The following RPL11 variants were observed in gnomAD, a reference collection of about 807,000 sequenced individuals.
RPL11 encodes ribosomal protein L11.
Under a neutral mutation model 24.1 loss-of-function variants are expected in RPL11, and 3 were observed. The observed-to-expected ratio is 0.12, with a 90% CI of 0.06 to 0.32. The LOEUF is 0.32. RPL11 is among the 10% of genes least tolerant of loss of function. RPL11 has a pLI of 1.00. For missense variants in RPL11, 146 were observed against 225.7 expected (o/e 0.65, Z 2.26); for synonymous variants, 96 against 75.7 (o/e 1.27, Z -1.39).
chr1:23,696,254 C>G, intron 5 of RPL11, 90 bp from the exon 6 acceptor site: 1 of 1,223,030 alleles, frequency 8.2e-7, no homozygotes, highest in East Asian at 2.3e-5. Flanking sequence ...GTTCATGTAT[C>G]AATCAGATGT....
intron 3 of RPL11, 31 bp from the exon 4 acceptor site, chr1:23,694,629 A>G (rs1644522160): frequency 6.2e-7 from 1 of 1,613,274 alleles, no homozygotes; most frequent in Admixed American, 1.7e-5. Context: ...GAAGATGACA[A>G]GGAATGTTAT....
chr1:23,692,861 C>T, intron 2 of RPL11, 102 bp downstream of exon 2: 1 of 1,383,574 alleles, frequency 7.2e-7, no homozygotes, highest in Non-Finnish European at 1.0e-6. Context: ...CAGTCGGCAT[C>T]ACTTAAAGCA....
At position 23,691,832 on chromosome 1, in the gene RPL11, G is replaced by A. The variant is rs776630838; in HGVS notation, c.6+3G>A. 1.2e-6 allele frequency: 2 copies of A among 1,614,262 alleles called. No individual in the cohort carries two copies. Among genetic ancestry groups the A allele is most frequent in the Admixed American group, 1.7e-5 (1 of 60,032 alleles). On this transcript the variant is annotated splice_donor_region_variant and intron_variant, in intron 1 of 5. Transcript: ENST00000643754. ...TCTTCCTGCTCTCCATCATGGCGGT[G>A]AGTAGCTGGGACCTGGATTTGCTTT... is the stretch of plus-strand genomic sequence containing the variant.
chr1:23,696,013 A>C, intron 5 of RPL11, 105 bp downstream of exon 5: 1 of 1,155,274 alleles, frequency 8.7e-7, no homozygotes, highest in African/African-American at 1.5e-5. Context: ...TATCTTCTTT[A>C]AAGTTAGAAT....
chr1:23,693,872 C>A lies in RPL11; in HGVS notation c.223C>A (p.Arg75=), dbSNP rs121434389. 1.9e-6 allele frequency: 3 copies of A among 1,613,906 alleles called. No individual in the cohort carries two copies. The African/African-American group carries it at 4.0e-5, about 22-fold the overall frequency. ...AAAGATTGCTGTCCACTGCACAGTT[C>A]GAGGGGCCAAGGCAGAAGAAATCTT... ...NEKIAVHCTV[R]GAKAEEILEK... Residue 75 remains arginine, a synonymous_variant, in exon 3 of 6, where the codon CGA becomes AGA. Transcript: ENST00000643754.
At chr1:23,691,797 C>G, upstream of RPL11, 2 of 1,614,242 alleles carry the variant, frequency 1.2e-6, no homozygotes, top group Non-Finnish European at 1.7e-6. Flanking sequence ...CGGCCGGAAG[C>G]TCCGCTTTCT....
intron 3 of RPL11, 105 bp downstream of exon 3, chr1:23,694,018 T>A: frequency 1.1e-6 from 1 of 876,308 alleles, no homozygotes; most frequent in South Asian, 1.4e-5. Flanking sequence ...TGATATTTAT[T>A]TACTTAAGCT....
chr1:23,692,340 G>T, intron 1 of RPL11: 1 of 471,114 alleles, frequency 2.1e-6, no homozygotes. Flanking sequence ...GTTACCCTGA[G>T]CCTCTTAGGG....
In RPL11 at chr1:23,693,880, C is replaced by T. The variant is rs749222859; in HGVS notation, c.231C>T (p.Ala77=). 9.9e-6 allele frequency: 16 copies of T among 1,613,968 alleles called. No individual in the cohort carries two copies. The highest frequency in any genetic ancestry group is 1.4e-5 in the Non-Finnish European group (16 of 1,180,008). The change falls in exon 3 of 6, where the codon GCC becomes GCT. Residue 77 remains alanine (A), a synonymous_variant. Coordinates refer to ENST00000643754, the MANE Select transcript of RPL11 (RefSeq NM_000975.5). ...KIAVHCTVRG[A]KAEEILEKGL... is the part of the protein sequence containing the mutation. The stretch of plus-strand genomic sequence containing the variant: ...CTGTCCACTGCACAGTTCGAGGGGC[C>T]AAGGCAGAAGAAATCTTGGAGAAGG...
intron 4 of RPL11, 42 bp downstream of exon 4, chr1:23,694,833 G>A: frequency 3.7e-6 from 6 of 1,613,882 alleles, no homozygotes; most frequent in Non-Finnish European, 5.1e-6. Context: ...TCTGTGAGGA[G>A]AGGGGAATCT....
At chr1:23,694,613 G>T (rs1644521953) in intron 3 of RPL11, 47 bp from the exon 4 acceptor site, 1 of 1,612,214 alleles carries the variant, frequency 6.2e-7, no homozygotes, top group Non-Finnish European at 8.5e-7. Context: ...GGGGTGGGAG[G>T]GAGTTGAAGA....
chr1:23,691,811 C>A lies in RPL11; in HGVS notation c.-13C>A, dbSNP rs1399874904. The A allele has an allele frequency of 1.9e-6, 3 of 1,614,258 alleles. No individual in the cohort carries two copies. Among genetic ancestry groups the A allele is most frequent in the Admixed American group, 1.7e-5 (1 of 60,032 alleles). On this transcript the variant is annotated 5_prime_UTR_variant, in exon 1 of 6. Transcript: ENST00000643754. ...TCGGCCGGAAGCTCCGCTTTCTCTT[C>A]CTGCTCTCCATCATGGCGGTGAGTA...
rs886046309 is a variant in RPL11 at position 23,694,701 on chromosome 1, T to C, written c.306T>C (p.Thr102=). 7 of 1,614,064 alleles carry C rather than the reference T, an allele frequency of 4.3e-6. No homozygotes were observed. The highest frequency in any genetic ancestry group is 1.6e-4 in the Middle Eastern group (1 of 6,084). ...TAAGAAAAAACAACTTCTCAGATAC[T>C]GGAAACTTTGGTTTTGGGATCCAGG... ...YELRKNNFSD[T]GNFGFGIQEH... is the part of the protein sequence containing the mutation. The change falls in exon 4 of 6, where the codon ACT becomes ACC. Residue 102 remains threonine, a synonymous_variant. Transcript: ENST00000643754.
chr1:23,696,817 A>T lies in RPL11; in HGVS notation c.*444A>T. Reference sequence around the variant, plus strand: ...AGGCTTTGGTGTGATGGTTGAGATTAAATTTAGACTTAACTGTTCAGGCTC... The same window carrying T: ...AGGCTTTGGTGTGATGGTTGAGATTTAATTTAGACTTAACTGTTCAGGCTC... On this transcript the variant is annotated 3_prime_UTR_variant, in exon 6 of 6. Transcript: ENST00000643754. The T allele has an allele frequency of 4.3e-6, 1 of 233,914 alleles. No homozygotes were observed. The allele number at this position is 233,914 out of a possible 1,614,324, so 14.5% of individuals were successfully genotyped here.
rs1431266310 is a variant in RPL11 at position 23,694,782 on chromosome 1, C to T, written c.387C>T (p.Asp129=). The T allele has an allele frequency of 1.2e-6, 2 of 1,614,196 alleles. No homozygotes were observed. Among genetic ancestry groups the T allele is most frequent in the Non-Finnish European group, 1.7e-6 (2 of 1,180,042 alleles). ...CAAGCATTGGTATCTACGGCCTGGA[C>T]TTCTATGTGGTATGAATATTTAATC... ...YDPSIGIYGL[D]FYVVLGRPGF... Residue 129 remains aspartate, a synonymous_variant, in exon 4 of 6, where the codon GAC becomes GAT. Coordinates refer to ENST00000643754, the MANE Select transcript of RPL11 (RefSeq NM_000975.5).
Position 23,694,734 on chromosome 1 carries a change from C to T in RPL11, c.339C>T (p.Ile113=), listed in dbSNP as rs8880. 0.036 allele frequency: 57,574 copies of T among 1,614,106 alleles called. 1,294 individuals are homozygous for T. The highest frequency in any genetic ancestry group is 0.043 in the Non-Finnish European group (50,863 of 1,179,970). The part of the protein sequence containing the change: ...GNFGFGIQEH[I]DLGIKYDPSI... ...TTGGTTTTGGGATCCAGGAACACATCGATCTGGGTATCAAATATGACCCAA... is the reference window on the plus strand; with the variant it reads ...TTGGTTTTGGGATCCAGGAACACATTGATCTGGGTATCAAATATGACCCAA... Residue 113 remains isoleucine (I), a synonymous_variant, in exon 4 of 6, where the codon ATC becomes ATT. Coordinates refer to ENST00000643754, the MANE Select transcript of RPL11 (RefSeq NM_000975.5).
chr1:23,692,466 C>T (rs1305124222), intron 1 of RPL11, 143 bp from the exon 2 acceptor site: 2 of 1,059,974 alleles, frequency 1.9e-6, no homozygotes, highest in African/African-American at 1.6e-5. Context: ...CTTGATGTCC[C>T]CTAAACATTA....
rs144284488 is a variant in RPL11 at position 23,691,859 on chromosome 1, C to T, written c.6+30C>T. ...GTAGCTGGGACCTGGATTTGCTTTC[C>T]TTTATCCGTCGCCATCCATGGCAGG... On this transcript the variant is annotated intron_variant, in intron 1 of 5. Coordinates refer to ENST00000643754, the MANE Select transcript of RPL11 (RefSeq NM_000975.5). The T allele has an allele frequency of 3.0e-4, 491 of 1,614,210 alleles. 1 individual carries two copies. In the African/African-American group the frequency reaches 4.6e-3, roughly 15 times the overall value.
At chr1:23,694,627 C>A in intron 3 of RPL11, 33 bp from the exon 4 acceptor site, 1 of 1,613,194 alleles carries the variant, frequency 6.2e-7, no homozygotes, top group Non-Finnish European at 8.5e-7. Flanking sequence ...TTGAAGATGA[C>A]AAGGAATGTT....
Sources: allele counts gnomAD v4.1 joint callset, GRCh38; gene constraint gnomAD v4.1.1; transcripts MANE v1.5; gene names NCBI Gene and HGNC (gene_info 2026-07-23, HGNC 2026-07-21).